Variants in CBFA2T3 observed in about 807,000 individuals in gnomAD.
CBFA2T3 encodes CBFA2/RUNX1 partner transcriptional co-repressor 3.
In CBFA2T3, 31 loss-of-function variants were observed where a neutral mutation model predicts 58.6. The observed-to-expected ratio is 0.53, with a 90% confidence interval of 0.40 to 0.71. CBFA2T3 has a LOEUF of 0.71. CBFA2T3 is among the 30% of genes least tolerant of loss of function. The pLI is 0.00. For synonymous variants in CBFA2T3, 531 were observed against 421.9 expected, an observed-to-expected ratio of 1.26 and a Z score of -3.17; for missense variants, 1,076 against 963.1, an observed-to-expected ratio of 1.12 and a Z score of -1.55.
At chr16:88,946,309 T>TGTTG (rs1971900381) in intron 1 of CBFA2T3, among the ~76,000 whole-genome samples, 1 of 150,452 alleles carries the variant, frequency 6.6e-6, no homozygotes, top group Non-Finnish European at 1.5e-5. Context: ...CAACACTCCA[T>TGTTG]CTCAAAAAGA....
In CBFA2T3 at chr16:88,901,538, C is replaced by T; in HGVS notation, c.270G>A (p.Gly90=). 2 of 1,484,602 alleles carry T rather than the reference C, an allele frequency of 1.3e-6. No individual in the cohort carries two copies. Among genetic ancestry groups the T allele is most frequent in the Non-Finnish European group, 1.8e-6 (2 of 1,124,650 alleles). The allele number at this position is 1,484,602 out of a possible 1,614,324, so 92.0% of individuals were successfully genotyped here. The change falls in exon 2 of 12, where the codon GGG becomes GGA. Residue 90 remains glycine, a synonymous_variant. Coordinates refer to ENST00000268679, the MANE Select transcript of CBFA2T3 (RefSeq NM_005187.6). The part of the protein sequence containing the change: ...MPPPPPAASQ[G]ATRPPSFTPH... Reference sequence around the variant, plus strand: ...GCGTGAAGGAGGGGGGGCGTGTGGCCCCCTGGGATGCGGCAGGCGGTGGGG... The same window carrying T: ...GCGTGAAGGAGGGGGGGCGTGTGGCTCCCTGGGATGCGGCAGGCGGTGGGG...
chr16:88,927,334 G>T (rs1226734270), intron 1 of CBFA2T3, among the ~76,000 whole-genome samples: 6 of 152,190 alleles, frequency 3.9e-5, no homozygotes, highest in Admixed American at 3.9e-4. Flanking sequence ...AGGTGAGGCC[G>T]CTGGGCCCCA....
intron 1 of CBFA2T3, among the ~76,000 whole-genome samples, chr16:88,916,117 T>C (rs1038143997): frequency 4.0e-5 from 6 of 150,740 alleles, no homozygotes; most frequent in Admixed American, 6.6e-5. Context: ...TGTGTCCGTG[T>C]ATGTGTGCAC....
chr16:88,883,459 C>T (rs76358870), intron 7 of CBFA2T3: 3,520 of 153,512 alleles, frequency 0.023, 44 homozygotes, highest in African/African-American at 0.034. Flanking sequence ...GGGTTGTTCT[C>T]TGCTCAGTTA....
At chr16:88,933,696 C>G (rs1370986296) in intron 1 of CBFA2T3, among the ~76,000 whole-genome samples, 1 of 105,598 alleles carries the variant, frequency 9.5e-6, no homozygotes, top group East Asian at 3.0e-4. Context: ...ACGCCTCACA[C>G]GCCTCACAGT....
intron 1 of CBFA2T3, among the ~76,000 whole-genome samples, chr16:88,929,732 G>C (rs1263992290): frequency 2.9e-5 from 4 of 137,224 alleles, no homozygotes; most frequent in East Asian, 2.2e-4. Flanking sequence ...ACAGCTGCGT[G>C]GTCCACGCAA....
At chr16:88,933,166 C>G (rs1192672768) in intron 1 of CBFA2T3, among the ~76,000 whole-genome samples, 1 of 152,230 alleles carries the variant, frequency 6.6e-6, no homozygotes, top group Non-Finnish European at 1.5e-5. Context: ...CCTGTGGCCC[C>G]GGCCCTGCCT....
intron 3 of CBFA2T3, among the ~76,000 whole-genome samples, chr16:88,895,350 G>A (rs1003343834): frequency 2.9e-4 from 44 of 152,322 alleles, no homozygotes; most frequent in Non-Finnish European, 2.6e-4. Context: ...CCGACCCGTG[G>A]TCTAGTGGCA....
At chr16:88,923,869 G>A (rs1971002275) in intron 1 of CBFA2T3, among the ~76,000 whole-genome samples, 1 of 152,210 alleles carries the variant, frequency 6.6e-6, no homozygotes. Flanking sequence ...TGGGGCCGGG[G>A]GAGGAGCCCA....
intron 1 of CBFA2T3, among the ~76,000 whole-genome samples, chr16:88,940,631 A>AC (rs1211213354): frequency 1.2e-4 from 18 of 150,396 alleles, no homozygotes; most frequent in Admixed American, 8.6e-4. Context: ...GGAGCTCTGG[A>AC]CCCCCCTCCC....
chr16:88,923,286 A>G (rs1044136671), intron 1 of CBFA2T3, among the ~76,000 whole-genome samples: 14 of 152,162 alleles, frequency 9.2e-5, no homozygotes, highest in African/African-American at 2.9e-4. Context: ...CCCCCTCCTC[A>G]TCGCACAGAG....
chr16:88,920,303 G>A (rs1970869769), intron 1 of CBFA2T3, among the ~76,000 whole-genome samples: 1 of 152,176 alleles, frequency 6.6e-6, no homozygotes, highest in African/African-American at 2.4e-5. Flanking sequence ...TTGAGATGGA[G>A]TCTCGCTCTG....
chr16:88,882,662 G>C lies in CBFA2T3; in HGVS notation c.1203+14C>G. 1 of 1,546,392 alleles carries C rather than the reference G, an allele frequency of 6.5e-7. No individual in the cohort carries two copies. Among genetic ancestry groups the C allele is most frequent in the Non-Finnish European group, 8.8e-7 (1 of 1,135,934 alleles). ...GGCATGGCTGTGTGGGCGTGGCTGT[G>C]TGTGGACACTCACGTTGTTGAGGTG... On this transcript the variant is annotated intron_variant, in intron 8 of 11. Coordinates refer to ENST00000268679, the MANE Select transcript of CBFA2T3 (RefSeq NM_005187.6).
rs372412465 is a variant in CBFA2T3 at position 88,885,942 on chromosome 16, C to T, written c.893+19G>A. 1.3e-6 allele frequency: 2 copies of T among 1,545,572 alleles called. No individual in the cohort carries two copies. Among genetic ancestry groups the T allele is most frequent in the South Asian group, 2.4e-5 (2 of 83,914 alleles). On this transcript the variant is annotated intron_variant, in intron 6 of 11. Coordinates refer to ENST00000268679, the MANE Select transcript of CBFA2T3 (RefSeq NM_005187.6). The surrounding 1 kb of genome is among the most constrained non-coding windows in gnomAD (Gnocchi z 5.3). ...TGTCCACGGCACCCCCAGCCCAGAT[C>T]CCCGGAGCCCACAGGTACCTGTCGG...
rs115864417 is a variant in CBFA2T3 at position 88,967,854 on chromosome 16, C to T, written c.151+8803G>A. 4.7e-3 allele frequency among the ~76,000 whole-genome samples: 714 copies of T among 152,338 alleles called. 10 individuals are homozygous for T. The highest frequency in any genetic ancestry group is 0.024 in the South Asian group (118 of 4,830). ...GCCCCCTGCCCCGGAGCAGCGCGTC[C>T]AGCGGGGGTCGGCGTGAGCTGTGTG... is the stretch of plus-strand genomic sequence containing the variant. On this transcript the variant is annotated intron_variant, in intron 1 of 11. Coordinates refer to ENST00000268679, the MANE Select transcript of CBFA2T3 (RefSeq NM_005187.6).
intron 1 of CBFA2T3, among the ~76,000 whole-genome samples, chr16:88,934,554 G>A (rs574417979): frequency 2.0e-5 from 3 of 152,374 alleles, no homozygotes; most frequent in East Asian, 3.9e-4. Flanking sequence ...TGCACAGTGT[G>A]TGGTGCTGAC....
chr16:88,888,958 G>C (rs1404785235), intron 5 of CBFA2T3, among the ~76,000 whole-genome samples: 1 of 151,912 alleles, frequency 6.6e-6, no homozygotes, highest in South Asian at 2.1e-4. Flanking sequence ...GGGGACACCA[G>C]GGCCTGACCA....
intron 5 of CBFA2T3, 49 bp downstream of exon 5, chr16:88,891,833 G>A (rs1169791409): frequency 1.1e-5 from 14 of 1,318,434 alleles, no homozygotes; most frequent in Non-Finnish European, 1.5e-5. Flanking sequence ...TGGGATTAAG[G>A]GGCCTTCTAG....
At chr16:88,880,867 G>T in intron 9 of CBFA2T3, 79 bp from the exon 10 acceptor site, 1 of 1,326,260 alleles carries the variant, frequency 7.5e-7, no homozygotes. Context: ...ACCCTGGCTG[G>T]GCCCTGAGTG....
Sources: allele counts gnomAD v4.1 joint callset (sites outside exome capture counted in the v4.1 genomes callset), GRCh38; gene constraint gnomAD v4.1.1; non-coding constraint Gnocchi (gnomAD v3.1); transcripts MANE v1.5; gene names NCBI Gene and HGNC (gene_info 2026-07-23, HGNC 2026-07-21).